MECOM: variants seen among roughly 807,000 people sequenced by gnomAD.
The protein encoded by MECOM is histone-lysine N-methyltransferase MECOM.
MECOM carries 13 observed loss-of-function variants against 116.3 expected under a neutral mutation model. That is an observed-to-expected ratio of 0.11 (90% CI 0.07 to 0.18). The LOEUF is 0.18. Among genes scored for constraint, MECOM ranks in the 10% least tolerant of loss-of-function variants. The pLI is 1.00. For missense variants in MECOM, 1,299 were observed against 1,509.0 expected (o/e 0.86, Z 2.31); for synonymous variants, 528 against 535.2 (o/e 0.99, Z 0.19).
At chr3:169,153,644 G>A (rs1741505936) in intron 2 of MECOM, among the ~76,000 whole-genome samples, 1 of 152,168 alleles carries the variant, frequency 6.6e-6, no homozygotes, top group South Asian at 2.1e-4. Flanking sequence ...CACCATCTAA[G>A]AGTGCTTTTA....
intron 1 of MECOM, among the ~76,000 whole-genome samples, chr3:169,536,551 T>C (rs1759382207): frequency 6.6e-6 from 1 of 151,558 alleles, no homozygotes; most frequent in Admixed American, 6.6e-5. Context: ...TAAGACCTCT[T>C]TCCAAAAAAA....
chr3:169,616,183 C>T (rs532498336), intron 1 of MECOM, among the ~76,000 whole-genome samples: 4 of 152,230 alleles, frequency 2.6e-5, no homozygotes, highest in African/African-American at 7.2e-5. Flanking sequence ...TGCTGGGAAA[C>T]CTCTAAACAT....
Position 169,177,251 on chromosome 3 carries a change from TGTG to T in MECOM, c.376-33422_376-33420del, listed in dbSNP as rs1189297969. ...TCAATGATAGACTGGATAAAGAAAATGTGGTACATATACACCATGGAATACTAT... is the reference window on the plus strand; with the variant it reads ...TCAATGATAGACTGGATAAAGAAAATGTACATATACACCATGGAATACTAT... On this transcript the variant is annotated intron_variant, in intron 2 of 16. Transcript: ENST00000651503. Among the ~76,000 whole-genome samples the T allele has an allele frequency of 1.8e-4, 28 of 152,168 alleles. No homozygotes were observed. The East Asian group carries it at 5.4e-3, about 29-fold the overall frequency.
At chr3:169,475,002 A>G (rs891394671) in intron 1 of MECOM, among the ~76,000 whole-genome samples, 4 of 152,142 alleles carry the variant, frequency 2.6e-5, no homozygotes, top group African/African-American at 4.8e-5. Context: ...CTGAGTTCCA[A>G]TTTCAGTTTT....
At chr3:169,540,920 C>A (rs995956932) in intron 1 of MECOM, among the ~76,000 whole-genome samples, 2 of 152,186 alleles carry the variant, frequency 1.3e-5, no homozygotes, top group Non-Finnish European at 2.9e-5. Context: ...CACATCAAAC[C>A]ACTTTGAACA....
chr3:169,389,249 G>A (rs1733864179), intron 1 of MECOM, among the ~76,000 whole-genome samples: 1 of 152,198 alleles, frequency 6.6e-6, no homozygotes. Flanking sequence ...AAAGGTAATG[G>A]AAAGAAATTG....
intron 2 of MECOM, among the ~76,000 whole-genome samples, chr3:169,287,979 T>C (rs1043488852): frequency 5.3e-5 from 8 of 152,208 alleles, no homozygotes; most frequent in Admixed American, 4.6e-4. Flanking sequence ...TTTAGAGTAA[T>C]TGTTAACATC....
chr3:169,356,176 T>C (rs1404931814), intron 2 of MECOM, among the ~76,000 whole-genome samples: 1 of 151,856 alleles, frequency 6.6e-6, no homozygotes, highest in Non-Finnish European at 1.5e-5. Flanking sequence ...TGAGGTGCAA[T>C]GTAAATTGAG....
At chr3:169,453,997 G>A (rs1247828837) in intron 1 of MECOM, among the ~76,000 whole-genome samples, 2 of 152,038 alleles carry the variant, frequency 1.3e-5, no homozygotes, top group Admixed American at 1.3e-4. Context: ...TCTTTGTGTG[G>A]CTTCTGGATA....
At chr3:169,341,703 G>A (rs2149791466) in intron 2 of MECOM, among the ~76,000 whole-genome samples, 1 of 141,526 alleles carries the variant, frequency 7.1e-6, no homozygotes, top group East Asian at 2.1e-4. Flanking sequence ...TCGCACCACT[G>A]CACTCCAGCC....
chr3:169,467,900 G>A (rs898030684), intron 1 of MECOM, among the ~76,000 whole-genome samples: 3 of 152,136 alleles, frequency 2.0e-5, no homozygotes, highest in African/African-American at 4.8e-5. Flanking sequence ...CCATGGAATA[G>A]GGATGTAAAT....
At chr3:169,367,349 A>ATTT (rs3980666) in intron 2 of MECOM, among the ~76,000 whole-genome samples, 68,164 of 150,234 alleles carry the variant, frequency 0.45, 15,631 homozygotes, top group Admixed American at 0.53. Flanking sequence ...TTGGTTTTTA[A>ATTT]TTTTTTTTTT....
chr3:169,162,664 T>G (rs1743016144), intron 2 of MECOM, among the ~76,000 whole-genome samples: 1 of 152,224 alleles, frequency 6.6e-6, no homozygotes, highest in South Asian at 2.1e-4. Flanking sequence ...CACGTAATCA[T>G]CCTCACATAT....
chr3:169,405,739 A>G (rs1310820769), intron 1 of MECOM, among the ~76,000 whole-genome samples: 1 of 152,170 alleles, frequency 6.6e-6, no homozygotes, highest in Non-Finnish European at 1.5e-5. Context: ...CCTTCCCCTA[A>G]ATGTACTACC....
chr3:169,605,816 G>C (rs1768461515), intron 1 of MECOM, among the ~76,000 whole-genome samples: 1 of 152,146 alleles, frequency 6.6e-6, no homozygotes, highest in South Asian at 2.1e-4. Context: ...AGAAGCCATG[G>C]ATATCATGTG....
At chr3:169,173,193 G>A (rs564773344) in intron 2 of MECOM, among the ~76,000 whole-genome samples, 1 of 152,102 alleles carries the variant, frequency 6.6e-6, no homozygotes, top group African/African-American at 2.4e-5. Context: ...TGATCTCCTT[G>A]TTTGGCATTT....
intron 1 of MECOM, among the ~76,000 whole-genome samples, chr3:169,397,083 G>C (rs981189692): frequency 1.3e-5 from 2 of 152,178 alleles, no homozygotes; most frequent in Non-Finnish European, 2.9e-5. Flanking sequence ...GATCTAAAAT[G>C]TCATTGTCTT....
At position 169,253,615 on chromosome 3, in the gene MECOM, T is replaced by C. The variant is rs150444642; in HGVS notation, c.376-109783A>G. On this transcript the variant is annotated intron_variant, in intron 2 of 16. Transcript: ENST00000651503. ...AATAAGACACATGTATCAGAATAAA[T>C]ACATACTTATGAGATACATCTATAT... Among the ~76,000 whole-genome samples, 62 of 152,242 alleles carry C rather than the reference T, an allele frequency of 4.1e-4. No individual in the cohort carries two copies. In the East Asian group the frequency reaches 0.011, roughly 27 times the overall value.
intron 2 of MECOM, among the ~76,000 whole-genome samples, chr3:169,253,410 G>A (rs1485864280): frequency 1.4e-5 from 2 of 147,362 alleles, no homozygotes; most frequent in Non-Finnish European, 3.0e-5. Flanking sequence ...TTTTTCTTGA[G>A]CTATTCGACT....
Sources: allele counts gnomAD v4.1 joint callset (sites outside exome capture counted in the v4.1 genomes callset), GRCh38; gene constraint gnomAD v4.1.1; transcripts MANE v1.5; gene names NCBI Gene and HGNC (gene_info 2026-07-23, HGNC 2026-07-21).